POFUT3: variants seen among roughly 807,000 people sequenced by gnomAD.
The protein encoded by POFUT3 is GDP-fucose protein O-fucosyltransferase 3.
At chr8:33,423,501 C>T in the POFUT3 span, among the ~76,000 whole-genome samples, 1 of 152,090 alleles carries the variant, frequency 6.6e-6, no homozygotes, top group Non-Finnish European at 1.5e-5. Context: ...AACTCCTGGG[C>T]TTAAGTGATC....
the POFUT3 span, among the ~76,000 whole-genome samples, chr8:33,350,066 T>C: frequency 6.6e-6 from 1 of 152,176 alleles, no homozygotes; most frequent in South Asian, 2.1e-4. Context: ...CATTTTTTCA[T>C]ATGTTTGTTG....
At chr8:33,444,646 C>A in the POFUT3 span, among the ~76,000 whole-genome samples, 1 of 151,848 alleles carries the variant, frequency 6.6e-6, no homozygotes, top group African/African-American at 2.4e-5. Context: ...GGGGAAACAC[C>A]GTCTTTACTA....
the POFUT3 span, among the ~76,000 whole-genome samples, chr8:33,309,093 G>C: frequency 1.5e-5 from 2 of 132,406 alleles, no homozygotes; most frequent in Non-Finnish European, 3.1e-5. Context: ...AGCCCCGGCT[G>C]TTGCTTCCTA....
chr8:33,324,447 T>C, the POFUT3 span, among the ~76,000 whole-genome samples: 1 of 152,090 alleles, frequency 6.6e-6, no homozygotes, highest in Non-Finnish European at 1.5e-5. Flanking sequence ...ATCTCAAATG[T>C]CCAGCCAAAA....
chr8:33,446,456 CAAAAAA>C, the POFUT3 span, among the ~76,000 whole-genome samples: 13 of 138,460 alleles, frequency 9.4e-5, no homozygotes, highest in Admixed American at 7.3e-5. Flanking sequence ...GATCCTATTA[CAAAAAA>C]AAAAAAAAAA....
the POFUT3 span, among the ~76,000 whole-genome samples, chr8:33,466,054 T>A: frequency 6.6e-6 from 1 of 152,164 alleles, no homozygotes; most frequent in Non-Finnish European, 1.5e-5. Context: ...AATTCCCTTA[T>A]ATTTAAAGAA....
At chr8:33,442,773 T>C in the POFUT3 span, among the ~76,000 whole-genome samples, 1 of 152,184 alleles carries the variant, frequency 6.6e-6, no homozygotes, top group Non-Finnish European at 1.5e-5. Flanking sequence ...TATTAATATT[T>C]CCTATAGCTA....
chr8:33,411,406 C>T, the POFUT3 span, among the ~76,000 whole-genome samples: 1 of 152,176 alleles, frequency 6.6e-6, no homozygotes, highest in Non-Finnish European at 1.5e-5. Flanking sequence ...TTATTGAATG[C>T]CTCTATCTCA....
At chr8:33,359,661 T>C in the POFUT3 span, among the ~76,000 whole-genome samples, 1 of 152,188 alleles carries the variant, frequency 6.6e-6, no homozygotes, top group African/African-American at 2.4e-5. Context: ...ACCATAGCTA[T>C]ATTATTTTAG....
At chr8:33,472,915 A>G in the POFUT3 span, 1 of 152,260 alleles carries the variant, frequency 6.6e-6, no homozygotes, top group African/African-American at 2.4e-5. Flanking sequence ...TGCTCGGTAC[A>G]GAGAGGGAGT....
the POFUT3 span, among the ~76,000 whole-genome samples, chr8:33,325,917 C>T: frequency 2.0e-5 from 3 of 152,098 alleles, no homozygotes; most frequent in Non-Finnish European, 4.4e-5. Context: ...GTACACACCC[C>T]GCGCCCACCT....
the POFUT3 span, among the ~76,000 whole-genome samples, chr8:33,444,017 A>T: frequency 6.7e-6 from 1 of 148,372 alleles, no homozygotes; most frequent in African/African-American, 2.5e-5. Flanking sequence ...GGCCTGCCAT[A>T]TGCCAGGCAC....
At chr8:33,340,438 TA>T in the POFUT3 span, among the ~76,000 whole-genome samples, 1 of 151,634 alleles carries the variant, frequency 6.6e-6, no homozygotes, top group African/African-American at 2.4e-5. Context: ...AAATTGTACA[TA>T]AAAAATTGCA....
At chr8:33,433,096 C>T in the POFUT3 span, among the ~76,000 whole-genome samples, 4 of 151,586 alleles carry the variant, frequency 2.6e-5, no homozygotes, top group Admixed American at 6.6e-5. Context: ...TAGCCGGGCA[C>T]GGTGGCACAC....
the POFUT3 span, among the ~76,000 whole-genome samples, chr8:33,355,490 C>T: frequency 6.6e-6 from 1 of 152,112 alleles, no homozygotes; most frequent in East Asian, 1.9e-4. Flanking sequence ...TTACCAGCTA[C>T]CTAGGCATCC....
the POFUT3 span, chr8:33,436,381 C>A: frequency 7.2e-7 from 1 of 1,398,232 alleles, no homozygotes; most frequent in Admixed American, 1.7e-5. Context: ...ATGTCACATT[C>A]AACGACCGTC....
At chr8:33,380,036 ATAC>A in the POFUT3 span, among the ~76,000 whole-genome samples, 23 of 75,334 alleles carry the variant, frequency 3.1e-4, no homozygotes, top group African/African-American at 1.5e-3. Context: ...TACTATATAT[ATAC>A]GATATATATA....
chr8:33,443,110 C>T, the POFUT3 span, among the ~76,000 whole-genome samples: 7 of 152,018 alleles, frequency 4.6e-5, no homozygotes, highest in East Asian at 9.7e-4. Context: ...CAGAACCTGC[C>T]TACGAAAAAG....
chr8:33,347,685 A>T, the POFUT3 span, among the ~76,000 whole-genome samples: 1 of 152,212 alleles, frequency 6.6e-6, no homozygotes, highest in Non-Finnish European at 1.5e-5. Context: ...GGCATTAGGG[A>T]TGTATAGAGA....
Sources: gnomAD v4.1 joint callset for allele counts (sites outside exome capture counted in the v4.1 genomes callset) on GRCh38, gnomAD v4.1.1 for gene constraint, MANE v1.5 for transcripts, NCBI Gene and HGNC (gene_info 2026-07-23, HGNC 2026-07-21) for gene names.